The following PTK2B variants were observed in gnomAD, a reference collection of about 807,000 sequenced individuals.
The protein encoded by PTK2B is protein-tyrosine kinase 2-beta.
In PTK2B, 71 loss-of-function variants were observed where a neutral mutation model predicts 142.9. The ratio of observed to expected loss-of-function variants is 0.50; its 90% CI spans 0.41 to 0.61. The LOEUF (loss-of-function observed/expected upper bound fraction) is 0.61. Among genes scored for constraint, PTK2B ranks in the 20% least tolerant of loss-of-function variants. The pLI is 0.00. For missense variants in PTK2B, 1,105 were observed against 1,320.4 expected (o/e 0.84, Z 2.53); for synonymous variants, 519 against 503.4 (o/e 1.03, Z -0.42).
intron 2 of PTK2B, among the ~76,000 whole-genome samples, chr8:27,415,577 G>A (rs1206151320): frequency 1.3e-5 from 2 of 152,200 alleles, no homozygotes; most frequent in Non-Finnish European, 2.9e-5. Context: ...GAGCTAAACT[G>A]TGATGAATGA....
upstream of PTK2B, among the ~76,000 whole-genome samples, chr8:27,324,760 G>A (rs1563458156): frequency 6.6e-6 from 1 of 152,202 alleles, no homozygotes; most frequent in Non-Finnish European, 1.5e-5. Context: ...ATGATGCTGC[G>A]TACACTCCAC....
intron 1 of PTK2B, among the ~76,000 whole-genome samples, chr8:27,375,792 T>A (rs1267441575): frequency 6.6e-6 from 1 of 152,210 alleles, no homozygotes. Flanking sequence ...TCCACTTATG[T>A]CTGGTTTAGT....
Position 27,458,623 on chromosome 8 carries a change from C to A in PTK2B, c.*114C>A. 9.0e-7 allele frequency: 1 copy of A among 1,116,410 alleles called. No homozygotes were observed. The highest frequency in any genetic ancestry group is 1.5e-5 in the South Asian group (1 of 67,194). 69.2% of individuals were successfully genotyped at this position (1,116,410 alleles called of 1,614,324 possible). A position where few individuals can be genotyped will look rare whatever the true frequency, so the allele number is the denominator to read the frequency against. On this transcript the variant is annotated 3_prime_UTR_variant, in exon 31 of 31. Transcript: ENST00000346049. Reference sequence around the variant, plus strand: ...GGGGAAGGCCAAGGGGAGTCACCTTCCCTTGCCACTTTGCACGACGCCCTC... The same window carrying A: ...GGGGAAGGCCAAGGGGAGTCACCTTACCTTGCCACTTTGCACGACGCCCTC...
intron 29 of PTK2B, 117 bp downstream of exon 29, chr8:27,454,408 G>A: frequency 6.4e-7 from 1 of 1,550,842 alleles, no homozygotes; most frequent in Non-Finnish European, 8.8e-7. Flanking sequence ...GCTGGGCCAG[G>A]GGAATTGAGT....
At chr8:27,371,927 G>T (rs117073910) in intron 1 of PTK2B, among the ~76,000 whole-genome samples, 1 of 152,186 alleles carries the variant, frequency 6.6e-6, no homozygotes, top group Non-Finnish European at 1.5e-5. Flanking sequence ...GCCAGGCACC[G>T]ATCCAGGCAG....
chr8:27,321,121 A>G (rs1448000405), upstream of PTK2B, among the ~76,000 whole-genome samples: 2 of 150,340 alleles, frequency 1.3e-5, no homozygotes, highest in African/African-American at 4.9e-5. Flanking sequence ...CAGCCTCCCA[A>G]GCAGCTAAAA....
intron 1 of PTK2B, among the ~76,000 whole-genome samples, chr8:27,344,587 C>A (rs1804603615): frequency 6.6e-6 from 1 of 152,222 alleles, no homozygotes; most frequent in African/African-American, 2.4e-5. Flanking sequence ...GCATATATTA[C>A]TAGAAGACAG....
At chr8:27,416,071 C>G (rs1015481908) in intron 2 of PTK2B, among the ~76,000 whole-genome samples, 1 of 152,034 alleles carries the variant, frequency 6.6e-6, no homozygotes, top group African/African-American at 2.4e-5. Context: ...GACCCAAACT[C>G]TATAAAAATT....
intron 1 of PTK2B, among the ~76,000 whole-genome samples, chr8:27,335,834 G>C (rs573247257): frequency 6.6e-6 from 1 of 152,264 alleles, no homozygotes; most frequent in Admixed American, 6.5e-5. Flanking sequence ...CAATCAGGGG[G>C]TGTGGGGACT....
chr8:27,360,672 C>T (rs1190771752), intron 1 of PTK2B, among the ~76,000 whole-genome samples: 6 of 152,124 alleles, frequency 3.9e-5, no homozygotes, highest in Admixed American at 3.9e-4. Context: ...GTACGATGCC[C>T]CAATACACTG....
intron 12 of PTK2B, 58 bp downstream of exon 12, chr8:27,434,190 G>A: frequency 6.3e-7 from 1 of 1,577,904 alleles, no homozygotes. Context: ...CTGCTGAGAG[G>A]AATAAGAATA....
intron 2 of PTK2B, among the ~76,000 whole-genome samples, chr8:27,413,853 T>C (rs972514072): frequency 3.3e-5 from 5 of 152,274 alleles, no homozygotes; most frequent in African/African-American, 1.2e-4. Context: ...ATGGTGACTT[T>C]CTATTTCCAT....
intron 2 of PTK2B, among the ~76,000 whole-genome samples, chr8:27,398,639 T>C (rs923838857): frequency 1.3e-5 from 2 of 152,224 alleles, no homozygotes; most frequent in African/African-American, 4.8e-5. Flanking sequence ...TCCAGATTGG[T>C]TCTCAGGTTG....
upstream of PTK2B, among the ~76,000 whole-genome samples, chr8:27,320,984 T>TTTTTTTTTTC (rs1803201034): frequency 1.0e-5 from 1 of 99,932 alleles, no homozygotes; most frequent in South Asian, 3.8e-4. Context: ...AAAAGGCTTT[T>TTTTTTTTTTC]TTTTTTTTTT....
intron 1 of PTK2B, among the ~76,000 whole-genome samples, chr8:27,391,219 C>G (rs1406051155): frequency 6.6e-6 from 1 of 152,070 alleles, no homozygotes; most frequent in African/African-American, 2.4e-5. Flanking sequence ...GTCTCAGCCT[C>G]CCGAGTAGCT....
At chr8:27,440,208 C>T (rs1811071744) in intron 20 of PTK2B, 29 bp from the exon 21 acceptor site, 4 of 1,610,122 alleles carry the variant, frequency 2.5e-6, no homozygotes, top group Admixed American at 1.7e-5. Flanking sequence ...TCTCCCCCAC[C>T]CAGGGCCTGA....
At position 27,458,535 on chromosome 8, in the gene PTK2B, G is replaced by A. The variant is rs200608411; in HGVS notation, c.*26G>A. On this transcript the variant is annotated 3_prime_UTR_variant, in exon 31 of 31. Coordinates refer to ENST00000346049, the MANE Select transcript of PTK2B (RefSeq NM_173176.3). ...CGGAGGGTGGGGGCCACCTGCCTGC[G>A]TCTTCCGCCCCTGCCTGCCATGTAC... The A allele has an allele frequency of 1.6e-5, 25 of 1,547,510 alleles. No individual in the cohort carries two copies. The highest frequency in any genetic ancestry group is 2.2e-4 in the Middle Eastern group (1 of 4,478).
At chr8:27,360,608 T>C (rs1484187091) in intron 1 of PTK2B, among the ~76,000 whole-genome samples, 2 of 143,372 alleles carry the variant, frequency 1.4e-5, no homozygotes, top group African/African-American at 5.3e-5. Context: ...CAGAACCCCA[T>C]GGCGATGCAA....
At chr8:27,435,371 C>T (rs529225488) in intron 13 of PTK2B, among the ~76,000 whole-genome samples, 2 of 152,228 alleles carry the variant, frequency 1.3e-5, no homozygotes, top group Non-Finnish European at 2.9e-5. Flanking sequence ...ATTAGGGCTT[C>T]AACAAAGGAA....
Sources: allele counts gnomAD v4.1 joint callset (sites outside exome capture counted in the v4.1 genomes callset), GRCh38; gene constraint gnomAD v4.1.1; transcripts MANE v1.5; gene names NCBI Gene and HGNC (gene_info 2026-07-23, HGNC 2026-07-21).